The following ROBO2 variants were observed in gnomAD, a reference collection of about 807,000 sequenced individuals.
ROBO2 encodes roundabout guidance receptor 2.
In ROBO2, 53 loss-of-function variants were observed where a neutral mutation model predicts 160.8. That is an observed-to-expected ratio of 0.33 (90% confidence interval 0.26 to 0.41). ROBO2 has a LOEUF of 0.41. ROBO2 is among the 10% of genes least tolerant of loss of function. ROBO2 has a pLI of 1.00. For missense variants in ROBO2, 1,577 were observed against 1,722.4 expected (o/e 0.92, Z 1.49); for synonymous variants, 664 against 611.7 (o/e 1.09, Z -1.26).
At chr3:76,220,137 T>G (rs1363005061) in intron 2 of ROBO2, among the ~76,000 whole-genome samples, 17 of 126,588 alleles carry the variant, frequency 1.3e-4, no homozygotes, top group African/African-American at 4.0e-4. Context: ...TGAGAACACA[T>G]GGATACAGGA....
intron 2 of ROBO2, among the ~76,000 whole-genome samples, chr3:76,554,299 G>T (rs996386199): frequency 6.6e-6 from 1 of 152,130 alleles, no homozygotes; most frequent in African/African-American, 2.4e-5. Flanking sequence ...GCAAATGTCA[G>T]GGAGAACACT....
chr3:76,092,208 C>G (rs548674276), intron 2 of ROBO2, among the ~76,000 whole-genome samples: 1 of 152,088 alleles, frequency 6.6e-6, no homozygotes, highest in Non-Finnish European at 1.5e-5. Flanking sequence ...GTACTTACCA[C>G]TCAATTAGGT....
At chr3:77,263,757 G>T (rs992326710) in intron 2 of ROBO2, among the ~76,000 whole-genome samples, 1 of 152,098 alleles carries the variant, frequency 6.6e-6, no homozygotes, top group African/African-American at 2.4e-5. Flanking sequence ...ATTCCTTTGG[G>T]TGTATACCCA....
chr3:76,885,746 G>A (rs2073812766), intron 2 of ROBO2, among the ~76,000 whole-genome samples: 1 of 152,056 alleles, frequency 6.6e-6, no homozygotes, highest in African/African-American at 2.4e-5. Context: ...TCTCTCTCTG[G>A]GGCCCTTGAA....
chr3:77,454,507 G>T (rs112723863), intron 2 of ROBO2, among the ~76,000 whole-genome samples: 2 of 152,180 alleles, frequency 1.3e-5, no homozygotes, highest in South Asian at 4.1e-4. Context: ...CAGAAAGTTG[G>T]AAATATTTGT....
chr3:76,453,551 C>T (rs866916639), intron 2 of ROBO2, among the ~76,000 whole-genome samples: 6 of 152,098 alleles, frequency 3.9e-5, no homozygotes, highest in Admixed American at 2.0e-4. Context: ...TGTTTTGGTA[C>T]CAGTACCATG....
chr3:77,117,549 C>T (rs1473619568), intron 2 of ROBO2, among the ~76,000 whole-genome samples: 1 of 152,112 alleles, frequency 6.6e-6, no homozygotes, highest in Non-Finnish European at 1.5e-5. Flanking sequence ...TACTATATCT[C>T]AGTATAATTT....
intron 2 of ROBO2, among the ~76,000 whole-genome samples, chr3:76,615,832 G>A (rs1030665257): frequency 1.3e-5 from 2 of 152,114 alleles, no homozygotes; most frequent in South Asian, 2.1e-4. Context: ...CATCACTTTC[G>A]AGGCTCACAA....
chr3:76,425,487 AGTGTGTGTGTGTGTGT>A (rs10530471), intron 2 of ROBO2, among the ~76,000 whole-genome samples: 5,335 of 146,554 alleles, frequency 0.036, 165 homozygotes, highest in South Asian at 0.17. Flanking sequence ...TGATGCAGCA[AGTGTGTGTGTGTGTGT>A]GTGTGTGTGT....
intron 2 of ROBO2, among the ~76,000 whole-genome samples, chr3:76,119,674 T>G (rs1290279628): frequency 6.6e-6 from 1 of 152,020 alleles, no homozygotes; most frequent in African/African-American, 2.4e-5. Context: ...ACTTTTAACA[T>G]TTGTGAAATG....
chr3:77,641,707 T>C (rs915520547), intron 24 of ROBO2, among the ~76,000 whole-genome samples: 3 of 152,030 alleles, frequency 2.0e-5, no homozygotes, highest in African/African-American at 4.8e-5. Flanking sequence ...ATGATACAAA[T>C]TGATGTTCAG....
intron 2 of ROBO2, among the ~76,000 whole-genome samples, chr3:76,058,166 CGTAG>C (rs767426877): frequency 1.3e-5 from 2 of 151,914 alleles, no homozygotes; most frequent in Non-Finnish European, 2.9e-5. Context: ...AGGTTTGTTA[CGTAG>C]GTATACACAT....
intron 2 of ROBO2, among the ~76,000 whole-genome samples, chr3:76,696,381 C>CTCT (rs1560395366): frequency 7.4e-6 from 1 of 135,956 alleles, no homozygotes; most frequent in East Asian, 2.1e-4. Flanking sequence ...AAATGGATCT[C>CTCT]TTTTTTTTTT....
intron 2 of ROBO2, among the ~76,000 whole-genome samples, chr3:77,300,356 T>C (rs372068554): frequency 2.0e-5 from 3 of 152,146 alleles, no homozygotes. Context: ...CAATAGTACC[T>C]TAAGATTCAG....
chr3:77,567,558 T>C (rs1286495012), intron 12 of ROBO2, among the ~76,000 whole-genome samples: 2 of 151,932 alleles, frequency 1.3e-5, no homozygotes, highest in Non-Finnish European at 2.9e-5. Flanking sequence ...TGACTGAGGG[T>C]ATAATATTTT....
At chr3:76,676,934 AC>A (rs2092426663) in intron 2 of ROBO2, among the ~76,000 whole-genome samples, 1 of 151,596 alleles carries the variant, frequency 6.6e-6, no homozygotes, top group Non-Finnish European at 1.5e-5. Flanking sequence ...ACTACATAGA[AC>A]CCCCTCCAGG....
At chr3:77,212,472 G>A (rs1264940277) in intron 2 of ROBO2, among the ~76,000 whole-genome samples, 1 of 152,046 alleles carries the variant, frequency 6.6e-6, no homozygotes. Flanking sequence ...AAGGAGATTT[G>A]GGGCTGAGAC....
intron 2 of ROBO2, among the ~76,000 whole-genome samples, chr3:76,848,032 A>G (rs1406267718): frequency 6.6e-6 from 1 of 152,172 alleles, no homozygotes; most frequent in Non-Finnish European, 1.5e-5. Flanking sequence ...CTCAGTCTGG[A>G]AACTACCAGT....
intron 23 of ROBO2, among the ~76,000 whole-genome samples, chr3:77,627,095 A>C (rs2153709751): frequency 6.6e-6 from 1 of 152,324 alleles, no homozygotes; most frequent in South Asian, 2.1e-4. Context: ...CTACTTTTAC[A>C]GGTTTGATGC....
Sources: allele counts gnomAD v4.1 joint callset (sites outside exome capture counted in the v4.1 genomes callset), GRCh38; gene constraint gnomAD v4.1.1; transcripts MANE v1.5; gene names NCBI Gene and HGNC (gene_info 2026-07-23, HGNC 2026-07-21).